CCSER1: variants seen among roughly 807,000 people sequenced by gnomAD.
CCSER1 encodes coiled-coil serine rich protein 1.
CCSER1 carries 41 observed loss-of-function variants against 82.0 expected under a neutral mutation model. The observed-to-expected ratio is 0.50, with a 90% CI of 0.39 to 0.65. CCSER1 has a LOEUF of 0.65. Among genes scored for constraint, CCSER1 ranks in the 30% least tolerant of loss-of-function variants. The pLI, the probability that CCSER1 is intolerant of heterozygous loss-of-function variation, is 0.00. For synonymous variants in CCSER1, 414 were observed against 383.9 expected (o/e 1.08, Z -0.92); for missense variants, 1,119 against 1,064.2 (o/e 1.05, Z -0.72).
intron 3 of CCSER1, among the ~76,000 whole-genome samples, chr4:90,329,130 A>G (rs1476848186): frequency 6.6e-6 from 1 of 152,056 alleles, no homozygotes; most frequent in Non-Finnish European, 1.5e-5. Flanking sequence ...CTTTCTTCTA[A>G]AACACAATAT....
intron 10 of CCSER1, among the ~76,000 whole-genome samples, chr4:91,147,759 A>G (rs999957279): frequency 1.3e-5 from 2 of 152,208 alleles, no homozygotes; most frequent in Admixed American, 1.3e-4. Context: ...AAATTAGGTA[A>G]TGTACCATGA....
chr4:91,290,267 T>C (rs1182480021), intron 10 of CCSER1, among the ~76,000 whole-genome samples: 1 of 151,972 alleles, frequency 6.6e-6, no homozygotes, highest in Non-Finnish European at 1.5e-5. Flanking sequence ...AATGAAAACT[T>C]TGCTTTAAAA....
At chr4:90,241,136 T>C (rs376918813) in intron 1 of CCSER1, among the ~76,000 whole-genome samples, 4 of 152,328 alleles carry the variant, frequency 2.6e-5, no homozygotes, top group Admixed American at 1.3e-4. Flanking sequence ...CTAAGGAGCA[T>C]GCGAGTGCAT....
At chr4:90,505,088 C>T (rs1770493207) in intron 5 of CCSER1, among the ~76,000 whole-genome samples, 2 of 152,150 alleles carry the variant, frequency 1.3e-5, no homozygotes, top group Admixed American at 1.3e-4. Flanking sequence ...TAAACCATTG[C>T]CCAAATAGGT....
chr4:90,418,425 A>G (rs770944501), intron 4 of CCSER1, among the ~76,000 whole-genome samples: 40 of 152,006 alleles, frequency 2.6e-4, no homozygotes, highest in Non-Finnish European at 4.7e-4. Context: ...ACATGCAACT[A>G]ATTTTTATCA....
chr4:90,221,725 T>C (rs1230422448), intron 1 of CCSER1, among the ~76,000 whole-genome samples: 1 of 152,182 alleles, frequency 6.6e-6, no homozygotes, highest in African/African-American at 2.4e-5. Flanking sequence ...CTGTATAATG[T>C]CTGCTGTAAG....
chr4:90,943,431 A>T (rs1731828698), intron 9 of CCSER1, among the ~76,000 whole-genome samples: 1 of 152,200 alleles, frequency 6.6e-6, no homozygotes, highest in African/African-American at 2.4e-5. Context: ...TAAGAATAAG[A>T]TCCTGAAAAG....
chr4:90,522,515 T>TA (rs1442623306), intron 5 of CCSER1, among the ~76,000 whole-genome samples: 1 of 152,188 alleles, frequency 6.6e-6, no homozygotes, highest in African/African-American at 2.4e-5. Flanking sequence ...TCTGCTAAGA[T>TA]ATCTCCACAT....
At chr4:91,239,311 A>G (rs1490245246) in intron 10 of CCSER1, among the ~76,000 whole-genome samples, 1 of 50,538 alleles carries the variant, frequency 2.0e-5, no homozygotes, top group East Asian at 5.0e-4. Context: ...TGCGAATTTA[A>G]CTACATACTG....
intron 4 of CCSER1, among the ~76,000 whole-genome samples, chr4:90,446,479 A>T (rs978162499): frequency 1.3e-5 from 2 of 152,184 alleles, no homozygotes; most frequent in Non-Finnish European, 2.9e-5. Flanking sequence ...AACAAAGATT[A>T]ATAATTAATT....
In CCSER1 at chr4:91,603,208, CAAACA is replaced by C. The variant is rs1358308501; in HGVS notation, c.*4157_*4161del. 6.6e-6 allele frequency: 1 copy of C among 152,042 alleles called. No homozygotes were observed. The highest frequency in any genetic ancestry group is 1.5e-5 in the Non-Finnish European group (1 of 67,962). 9.4% of individuals were successfully genotyped at this position (152,042 alleles called of 1,614,324 possible). A position where few individuals can be genotyped will look rare whatever the true frequency, so the allele number is the denominator to read the frequency against. ...AAAAGCAAACAGTCAACTAAGCAACCAAACAAAACAGCTCTCTTCTTTAATAATAT... is the reference window on the plus strand; with the variant it reads ...AAAAGCAAACAGTCAACTAAGCAACCAAACAGCTCTCTTCTTTAATAATAT... On this transcript the variant is annotated 3_prime_UTR_variant, in exon 11 of 11. Transcript: ENST00000509176.
intron 5 of CCSER1, chr4:90,468,562 T>C (rs1006789960): frequency 9.4e-6 from 4 of 424,080 alleles, no homozygotes; most frequent in African/African-American, 8.1e-5. Flanking sequence ...GTCATTCAAG[T>C]TTCATTTTGT....
chr4:90,317,851 A>G (rs1736453492), intron 3 of CCSER1, among the ~76,000 whole-genome samples: 1 of 152,170 alleles, frequency 6.6e-6, no homozygotes, highest in African/African-American at 2.4e-5. Context: ...GTAATAAAAT[A>G]CTTTGAATTG....
Position 90,158,882 on chromosome 4 carries a change from C to T in CCSER1, c.-42+31051C>T, listed in dbSNP as rs1159933687. 4.6e-4 allele frequency among the ~76,000 whole-genome samples: 70 copies of T among 152,262 alleles called. 1 individual carries two copies. Among genetic ancestry groups the T allele is most frequent in the Non-Finnish European group, 1.2e-4 (8 of 68,014 alleles). On this transcript the variant is annotated intron_variant, in intron 1 of 10. Coordinates refer to ENST00000509176, the MANE Select transcript of CCSER1 (RefSeq NM_001145065.2). ...CGGCTCGCGCAGGGTGTGCTGCACC[C>T]ACTGTCCTGCGCCCACTATCTGGCA...
chr4:90,257,560 G>C (rs765066254), intron 1 of CCSER1, among the ~76,000 whole-genome samples: 8 of 145,060 alleles, frequency 5.5e-5, no homozygotes, highest in Non-Finnish European at 8.9e-5. Context: ...TAGATAGATA[G>C]ATACATAGAT....
chr4:91,336,369 C>T (rs1747327437), intron 10 of CCSER1, among the ~76,000 whole-genome samples: 1 of 152,050 alleles, frequency 6.6e-6, no homozygotes, highest in African/African-American at 2.4e-5. Flanking sequence ...ATAAATCCTA[C>T]AGAACTGGTC....
intron 4 of CCSER1, among the ~76,000 whole-genome samples, chr4:90,415,645 A>G (rs913156384): frequency 1.3e-5 from 2 of 152,236 alleles, no homozygotes; most frequent in Admixed American, 1.3e-4. Context: ...ATATTAAGCA[A>G]TGCATATTCT....
intron 8 of CCSER1, among the ~76,000 whole-genome samples, chr4:90,819,088 C>T (rs535694643): frequency 6.6e-6 from 1 of 152,228 alleles, no homozygotes; most frequent in South Asian, 2.1e-4. Context: ...TGAGGGCTGT[C>T]TTCCTGGCTT....
intron 10 of CCSER1, among the ~76,000 whole-genome samples, chr4:91,440,852 G>A (rs1377960238): frequency 2.6e-5 from 4 of 152,064 alleles, no homozygotes; most frequent in Middle Eastern, 6.3e-3. Context: ...CTCTATGCAA[G>A]TAAACTAGAA....
Sources: allele counts gnomAD v4.1 joint callset (sites outside exome capture counted in the v4.1 genomes callset), GRCh38; gene constraint gnomAD v4.1.1; transcripts MANE v1.5; gene names NCBI Gene and HGNC (gene_info 2026-07-23, HGNC 2026-07-21).